GPC5: variants seen among roughly 807,000 people sequenced by gnomAD.
The protein encoded by GPC5 is glypican-5.
In GPC5, 47 loss-of-function variants were observed where a neutral mutation model predicts 53.9. The ratio of observed to expected loss-of-function variants is 0.87; its 90% CI spans 0.69 to 1.11. The LOEUF (loss-of-function observed/expected upper bound fraction) is 1.11. Among genes scored for constraint, GPC5 ranks in the 50% most tolerant of loss-of-function variants. GPC5 has a pLI of 0.00. For synonymous variants in GPC5, 286 were observed against 263.3 expected (o/e 1.09, Z -0.84); for missense variants, 748 against 713.1 (o/e 1.05, Z -0.56).
In GPC5 at chr13:92,836,766, T is replaced by C. The variant is rs1166925462; in HGVS notation, c.1562-29516T>C. ...TAGAACTGATCATTGTAGAGAGGCATATAAGACACCTGGATGCTCAAATGA... is the reference window on the plus strand; with the variant it reads ...TAGAACTGATCATTGTAGAGAGGCACATAAGACACCTGGATGCTCAAATGA... On this transcript the variant is annotated intron_variant, in intron 7 of 7. Transcript: ENST00000377067. 3.3e-5 allele frequency among the ~76,000 whole-genome samples: 5 copies of C among 152,104 alleles called. 1 individual carries two copies. The highest frequency in any genetic ancestry group is 2.0e-4 in the Admixed American group (3 of 15,266).
At chr13:92,556,161 A>G (rs907288648) in intron 7 of GPC5, among the ~76,000 whole-genome samples, 3 of 151,792 alleles carry the variant, frequency 2.0e-5, no homozygotes, top group African/African-American at 7.2e-5. Flanking sequence ...GTGGTAAAAT[A>G]TCTCCTGCTT....
intron 7 of GPC5, among the ~76,000 whole-genome samples, chr13:92,258,493 G>T (rs1566507377): frequency 6.6e-6 from 1 of 152,286 alleles, no homozygotes; most frequent in East Asian, 1.9e-4. Context: ...ATTCTAGTCA[G>T]TGTGTTAATA....
chr13:92,051,733 T>TGAA (rs2041031495), intron 6 of GPC5, among the ~76,000 whole-genome samples: 1 of 152,118 alleles, frequency 6.6e-6, no homozygotes, highest in South Asian at 2.1e-4. Context: ...GATAACAAAG[T>TGAA]GAAGGTAAGA....
chr13:92,829,149 A>C (rs1455287514), intron 7 of GPC5, among the ~76,000 whole-genome samples: 1 of 152,182 alleles, frequency 6.6e-6, no homozygotes, highest in Non-Finnish European at 1.5e-5. Context: ...CATGCTCTCA[A>C]GAGACTAGGA....
At chr13:91,797,909 T>C (rs892938860) in intron 5 of GPC5, among the ~76,000 whole-genome samples, 1 of 152,198 alleles carries the variant, frequency 6.6e-6, no homozygotes, top group Non-Finnish European at 1.5e-5. Context: ...CTACAGCTTT[T>C]GTAAATATTT....
chr13:92,349,136 A>T (rs1414436775), intron 7 of GPC5, among the ~76,000 whole-genome samples: 1 of 152,066 alleles, frequency 6.6e-6, no homozygotes, highest in African/African-American at 2.4e-5. Context: ...GTTTTTAAAA[A>T]TTTTAATGTA....
intron 7 of GPC5, among the ~76,000 whole-genome samples, chr13:92,194,159 A>G (rs1298278575): frequency 6.6e-6 from 1 of 152,216 alleles, no homozygotes; most frequent in African/African-American, 2.4e-5. Flanking sequence ...TAACAACCTT[A>G]TGAAGTACAG....
At chr13:92,231,270 A>G (rs2042528131) in intron 7 of GPC5, among the ~76,000 whole-genome samples, 2 of 152,214 alleles carry the variant, frequency 1.3e-5, no homozygotes, top group South Asian at 2.1e-4. Context: ...CAAGACAATC[A>G]TCATGGAATA....
chr13:92,542,246 A>C (rs1211172668), intron 7 of GPC5, among the ~76,000 whole-genome samples: 1 of 151,864 alleles, frequency 6.6e-6, no homozygotes, highest in Non-Finnish European at 1.5e-5. Context: ...AAATGTAGTC[A>C]CTCTACAGTG....
intron 7 of GPC5, among the ~76,000 whole-genome samples, chr13:92,389,363 A>G (rs1334201018): frequency 3.3e-5 from 5 of 152,112 alleles, no homozygotes; most frequent in Non-Finnish European, 7.4e-5. Flanking sequence ...ACTAGGACAT[A>G]CTTCCTTTAT....
chr13:92,529,151 A>G (rs1160721679), intron 7 of GPC5, among the ~76,000 whole-genome samples: 2 of 152,198 alleles, frequency 1.3e-5, no homozygotes, highest in Non-Finnish European at 2.9e-5. Context: ...GTTAATTGAA[A>G]AGATATGTAA....
rs541541305 is a variant in GPC5, at chr13:91,524,183, G to T, written c.325+75261G>T. Among the ~76,000 whole-genome samples, 21 of 152,070 alleles carry T rather than the reference G, an allele frequency of 1.4e-4. No homozygotes were observed. In the South Asian group the frequency reaches 4.1e-3, roughly 30 times the overall value. On this transcript the variant is annotated intron_variant, in intron 2 of 7. Coordinates refer to ENST00000377067, the MANE Select transcript of GPC5 (RefSeq NM_004466.6). ...TAACCACCAACATTTTGACAACAAG[G>T]AAACTGAAGCCCAGAAGTCTTATAC...
chr13:91,997,943 T>C (rs1252617955), intron 6 of GPC5, among the ~76,000 whole-genome samples: 1 of 152,254 alleles, frequency 6.6e-6, no homozygotes, highest in Non-Finnish European at 1.5e-5. Context: ...CTAGAAATTC[T>C]TTCAAGGTCA....
intron 3 of GPC5, among the ~76,000 whole-genome samples, chr13:91,714,902 C>T (rs370500353): frequency 6.6e-6 from 1 of 152,122 alleles, no homozygotes; most frequent in Non-Finnish European, 1.5e-5. Context: ...GTTCCAGGTC[C>T]GGGGGTGTTA....
chr13:91,658,284 A>G (rs1841122532), intron 2 of GPC5, among the ~76,000 whole-genome samples: 1 of 152,170 alleles, frequency 6.6e-6, no homozygotes, highest in African/African-American at 2.4e-5. Flanking sequence ...ATAAAATTCA[A>G]TTGAAATATA....
intron 6 of GPC5, among the ~76,000 whole-genome samples, chr13:92,050,030 T>C (rs557484671): frequency 1.3e-5 from 2 of 152,164 alleles, no homozygotes; most frequent in Admixed American, 1.3e-4. Context: ...TGGAAAATGA[T>C]AGAAAAAATA....
chr13:92,357,675 C>A (rs921676338), intron 7 of GPC5, among the ~76,000 whole-genome samples: 1 of 151,536 alleles, frequency 6.6e-6, no homozygotes, highest in Non-Finnish European at 1.5e-5. Flanking sequence ...TCTAAGGAAA[C>A]TTAATATCAG....
chr13:92,057,116 T>C (rs1322151357), intron 6 of GPC5, among the ~76,000 whole-genome samples: 3 of 152,200 alleles, frequency 2.0e-5, no homozygotes, highest in Non-Finnish European at 4.4e-5. Context: ...GCAATAGAAA[T>C]GATGCCAATT....
chr13:91,632,357 C>G (rs897856710), intron 2 of GPC5, among the ~76,000 whole-genome samples: 8 of 151,888 alleles, frequency 5.3e-5, no homozygotes, highest in Admixed American at 4.6e-4. Context: ...GGGACATGAG[C>G]AAGAAAGACA....
Sources: gnomAD v4.1 joint callset for allele counts (sites outside exome capture counted in the v4.1 genomes callset) on GRCh38, gnomAD v4.1.1 for gene constraint, MANE v1.5 for transcripts, NCBI Gene and HGNC (gene_info 2026-07-23, HGNC 2026-07-21) for gene names.